The following FSTL1 variants were observed in gnomAD, a reference collection of about 807,000 sequenced individuals.
FSTL1 encodes follistatin-related protein 1.
FSTL1 carries 24 observed loss-of-function variants against 45.9 expected under a neutral mutation model. The observed-to-expected ratio is 0.52, with a 90% CI of 0.38 to 0.74. The LOEUF (loss-of-function observed/expected upper bound fraction) is 0.74, where lower values mean the gene tolerates loss of function less well. FSTL1 is among the 30% of genes least tolerant of loss of function. The pLI is 0.00. For missense variants in FSTL1, 340 were observed against 381.8 expected (o/e 0.89, Z 0.91); for synonymous variants, 120 against 137.6 (o/e 0.87, Z 0.89).
At chr3:120,415,087 T>C (rs1937163021) in intron 3 of FSTL1, among the ~76,000 whole-genome samples, 1 of 144,576 alleles carries the variant, frequency 6.9e-6, no homozygotes, top group African/African-American at 2.6e-5. Flanking sequence ...ATTGCTTTTA[T>C]ACAATGGAAT....
rs1936629538 is a variant in FSTL1, at chr3:120,393,441, C to T, written c.*3511G>A. On this transcript the variant is annotated 3_prime_UTR_variant, in exon 11 of 11. Coordinates refer to ENST00000295633, the MANE Select transcript of FSTL1 (RefSeq NM_007085.5). The stretch of plus-strand genomic sequence containing the variant: ...AGCAAAAGAGGTTTTAACCAGCTAA[C>T]GTTCAGCCCACTTGGAACTGTTTAC... 6.6e-6 allele frequency: 1 copy of T among 152,148 alleles called. No individual in the cohort carries two copies. The highest frequency in any genetic ancestry group is 2.1e-4 in the South Asian group (1 of 4,832). The allele number at this position is 152,148 out of a possible 1,614,324, so 9.4% of individuals were successfully genotyped here. A position where few individuals can be genotyped will look rare whatever the true frequency, so the allele number is the denominator to read the frequency against.
chr3:120,396,918 T>C lies in FSTL1; in HGVS notation c.*34A>G, dbSNP rs778376870. 13 of 1,533,634 alleles carry C rather than the reference T, an allele frequency of 8.5e-6. No individual in the cohort carries two copies. The highest frequency in any genetic ancestry group is 5.0e-5 in the Admixed American group (3 of 59,890). On this transcript the variant is annotated 3_prime_UTR_variant, in exon 11 of 11. Transcript: ENST00000295633. Reference sequence around the variant, plus strand: ...GAACTCAGCGCTGAAGTGGAGAAGATGCTGGGATCCAGACACTGGTCTGTG... The same window carrying C: ...GAACTCAGCGCTGAAGTGGAGAAGACGCTGGGATCCAGACACTGGTCTGTG...
At chr3:120,430,921 C>T (rs1350726553) in intron 2 of FSTL1, among the ~76,000 whole-genome samples, 1 of 152,222 alleles carries the variant, frequency 6.6e-6, no homozygotes, top group African/African-American at 2.4e-5. Context: ...TAGAGCAGTG[C>T]TGTCCAACAG....
intron 5 of FSTL1, 136 bp from the exon 6 acceptor site, chr3:120,409,798 A>T: frequency 1.5e-6 from 1 of 673,076 alleles, no homozygotes; most frequent in South Asian, 2.0e-5. Context: ...TAGGATTAGC[A>T]CATCCAGGGT....
intron 2 of FSTL1, among the ~76,000 whole-genome samples, chr3:120,434,904 T>A (rs764856959): frequency 9.9e-5 from 15 of 152,178 alleles, no homozygotes; most frequent in Non-Finnish European, 1.9e-4. Context: ...TTGTGAGTTG[T>A]GCTTACAGAG....
rs532738154 is a variant in FSTL1 at position 120,444,311 on chromosome 3, T to C, written c.63+6373A>G. Among the ~76,000 whole-genome samples the C allele has an allele frequency of 3.7e-4, 56 of 150,060 alleles. 2 individuals are homozygous for C. The highest frequency in any genetic ancestry group is 5.1e-4 in the Non-Finnish European group (35 of 68,034). On this transcript the variant is annotated intron_variant, in intron 2 of 10. Coordinates refer to ENST00000295633, the MANE Select transcript of FSTL1 (RefSeq NM_007085.5). Reference sequence around the variant, plus strand: ...TTTACCATCCAGCAGGGATGGTAAATAGCTTTCATCTCATATAGACTCTGA... The same window carrying C: ...TTTACCATCCAGCAGGGATGGTAAACAGCTTTCATCTCATATAGACTCTGA...
At chr3:120,422,077 T>C (rs1304185739) in intron 2 of FSTL1, among the ~76,000 whole-genome samples, 1 of 152,210 alleles carries the variant, frequency 6.6e-6, no homozygotes, top group East Asian at 1.9e-4. Flanking sequence ...CTATTCAATA[T>C]CTGATGCACA....
At chr3:120,407,744 T>G (rs183520380) in intron 6 of FSTL1, among the ~76,000 whole-genome samples, 7 of 152,324 alleles carry the variant, frequency 4.6e-5, no homozygotes, top group Admixed American at 6.5e-5. Flanking sequence ...AAACCTGTTT[T>G]CTCCTGTTAG....
At chr3:120,437,505 A>C (rs969775089) in intron 2 of FSTL1, among the ~76,000 whole-genome samples, 10 of 152,212 alleles carry the variant, frequency 6.6e-5, no homozygotes, top group African/African-American at 2.4e-4. Context: ...GAAAAGTCTC[A>C]CTATTAGAGC....
chr3:120,409,871 T>A (rs1937018596), intron 5 of FSTL1: 1 of 391,822 alleles, frequency 2.6e-6, no homozygotes, highest in Admixed American at 4.2e-5. Flanking sequence ...TTGTAAAGAT[T>A]GAGAATATTG....
In FSTL1 at chr3:120,444,298, C is replaced by T. The variant is rs185440398; in HGVS notation, c.63+6386G>A. ...CAAATTGGACTGATTTACCATCCAG[C>T]AGGGATGGTAAATAGCTTTCATCTC... On this transcript the variant is annotated intron_variant, in intron 2 of 10. Coordinates refer to ENST00000295633, the MANE Select transcript of FSTL1 (RefSeq NM_007085.5). Among the ~76,000 whole-genome samples the T allele has an allele frequency of 3.5e-4, 52 of 149,936 alleles. 1 individual carries two copies. The East Asian group carries it at 9.2e-3, about 27-fold the overall frequency.
intron 2 of FSTL1, chr3:120,438,238 C>T (rs57516327): frequency 6.7e-6 from 1 of 149,030 alleles, no homozygotes; most frequent in African/African-American, 2.4e-5. Flanking sequence ...TCCCAAACTG[C>T]ACACTCTGAA....
intron 9 of FSTL1, among the ~76,000 whole-genome samples, chr3:120,400,583 C>T (rs1256472762): frequency 6.6e-6 from 1 of 152,186 alleles, no homozygotes; most frequent in Non-Finnish European, 1.5e-5. Flanking sequence ...AATCTCTAGG[C>T]TTATCAAGTA....
chr3:120,399,142 A>G (rs1936765704), intron 10 of FSTL1, among the ~76,000 whole-genome samples: 1 of 152,180 alleles, frequency 6.6e-6, no homozygotes, highest in Non-Finnish European at 1.5e-5. Flanking sequence ...ATACTACTAC[A>G]TTCGGTCTAC....
intron 2 of FSTL1, among the ~76,000 whole-genome samples, chr3:120,418,860 G>C (rs1004623983): frequency 1.3e-5 from 2 of 152,146 alleles, no homozygotes; most frequent in Non-Finnish European, 2.9e-5. Flanking sequence ...TACTACAGTG[G>C]GCAATTTATT....
intron 2 of FSTL1, among the ~76,000 whole-genome samples, chr3:120,424,631 C>G (rs183354579): frequency 4.1e-4 from 63 of 152,118 alleles, no homozygotes; most frequent in Non-Finnish European, 7.4e-4. Flanking sequence ...GGGGTGATGA[C>G]AGTTGCATCT....
intron 6 of FSTL1, among the ~76,000 whole-genome samples, chr3:120,406,534 A>G (rs917707005): frequency 1.3e-5 from 2 of 152,224 alleles, no homozygotes; most frequent in Admixed American, 1.3e-4. Flanking sequence ...CACACACTTC[A>G]GTAGGACTAG....
intron 2 of FSTL1, among the ~76,000 whole-genome samples, chr3:120,420,560 A>G (rs1937259788): frequency 1.3e-5 from 2 of 152,166 alleles, no homozygotes. Flanking sequence ...TAATTTTCAC[A>G]TTGCAAACTC....
intron 10 of FSTL1, 40 bp downstream of exon 10, chr3:120,399,843 C>G (rs370317312): frequency 6.4e-5 from 89 of 1,396,152 alleles, no homozygotes; most frequent in Non-Finnish European, 7.6e-5. Flanking sequence ...GGCCTGATGG[C>G]AACAGCAACA....
Sources: gnomAD v4.1 joint callset for allele counts (sites outside exome capture counted in the v4.1 genomes callset) on GRCh38, gnomAD v4.1.1 for gene constraint, MANE v1.5 for transcripts, NCBI Gene and HGNC (gene_info 2026-07-23, HGNC 2026-07-21) for gene names.